The following TUSC3 variants were observed in gnomAD, a reference collection of about 807,000 sequenced individuals.
TUSC3 encodes the protein tumor suppressor candidate 3, also known as dolichyl-diphosphooligosaccharide--protein glycosyltransferase subunit TUSC3.
In TUSC3, 45 loss-of-function variants were observed where a neutral mutation model predicts 44.8. That is an observed-to-expected ratio of 1.00 (90% CI 0.79 to 1.29). The LOEUF is 1.29. Ranked by LOEUF, TUSC3 falls within the 50% of genes most tolerant of loss-of-function variation. The probability of loss-of-function intolerance (pLI) is 0.00; values close to 1 mark genes in which losing one functional copy is unlikely to be tolerated. For synonymous variants in TUSC3, 212 were observed against 152.9 expected (o/e 1.39, Z -2.85); for missense variants, 519 against 437.9 (o/e 1.19, Z -1.65).
chr8:15,476,071 T>A (rs1319879872), intron 1 of TUSC3, among the ~76,000 whole-genome samples: 1 of 152,206 alleles, frequency 6.6e-6, no homozygotes, highest in Non-Finnish European at 1.5e-5. Context: ...GAAATTTCAT[T>A]CTGAATAACG....
In TUSC3 at chr8:15,447,046, T is replaced by C. The variant is rs183199206; in HGVS notation, n.91+29741T>C. On this transcript the variant is annotated intron_variant and non_coding_transcript_variant, in intron 1 of 5. Transcript: ENST00000503191. ...AGTAACTTCAATACTGTTTCCCAAATGCAGAAGAAAAAAAAAATAGGATAA... is the reference window on the plus strand; with the variant it reads ...AGTAACTTCAATACTGTTTCCCAAACGCAGAAGAAAAAAAAAATAGGATAA... Among the ~76,000 whole-genome samples the C allele has an allele frequency of 1.4e-4, 21 of 149,692 alleles. 1 individual carries two copies. The highest frequency in any genetic ancestry group is 4.9e-4 in the African/African-American group (20 of 40,700).
At chr8:15,478,131 A>G (rs1800607169) in intron 1 of TUSC3, among the ~76,000 whole-genome samples, 1 of 151,858 alleles carries the variant, frequency 6.6e-6, no homozygotes, top group African/African-American at 2.4e-5. Context: ...TAACTTTTGT[A>G]TTTTTAGTAG....
At chr8:15,677,100 C>A (rs1808225771) in intron 6 of TUSC3, among the ~76,000 whole-genome samples, 1 of 152,066 alleles carries the variant, frequency 6.6e-6, no homozygotes, top group Non-Finnish European at 1.5e-5. Flanking sequence ...CTCACCGCAG[C>A]CTTGAACTCC....
intron 2 of TUSC3, among the ~76,000 whole-genome samples, chr8:15,627,308 C>T (rs1018317992): frequency 3.5e-4 from 54 of 152,182 alleles, no homozygotes; most frequent in Non-Finnish European, 7.1e-4. Context: ...CTACTGAGAG[C>T]TGAAGACTTG....
chr8:15,757,006 C>G (rs372455973), intron 9 of TUSC3, among the ~76,000 whole-genome samples: 1 of 152,068 alleles, frequency 6.6e-6, no homozygotes, highest in African/African-American at 2.4e-5. Flanking sequence ...CATGGTGGCA[C>G]ACGCCTGTAG....
At chr8:15,419,516 T>G (rs983249181) in intron 1 of TUSC3, among the ~76,000 whole-genome samples, 1 of 152,232 alleles carries the variant, frequency 6.6e-6, no homozygotes, top group African/African-American at 2.4e-5. Flanking sequence ...CCAAATTTGA[T>G]GTGGCAAGTT....
At chr8:15,646,288 G>A (rs1202554819) in intron 2 of TUSC3, among the ~76,000 whole-genome samples, 1 of 152,138 alleles carries the variant, frequency 6.6e-6, no homozygotes, top group East Asian at 1.9e-4. Context: ...CTATTTGAGT[G>A]TGGTATTTTT....
the TUSC3 span, among the ~76,000 whole-genome samples, chr8:15,788,615 C>A: frequency 1.3e-5 from 2 of 151,564 alleles, no homozygotes; most frequent in Admixed American, 6.6e-5. Flanking sequence ...AAATCAGATC[C>A]TCATCCAGAC....
the TUSC3 span, among the ~76,000 whole-genome samples, chr8:15,800,904 G>A: frequency 1.3e-5 from 2 of 152,096 alleles, no homozygotes; most frequent in Non-Finnish European, 2.9e-5. Context: ...CAAGCAATAT[G>A]GCTAGATGCT....
chr8:15,521,764 G>T (rs1801303258), intron 2 of TUSC3, among the ~76,000 whole-genome samples: 1 of 152,146 alleles, frequency 6.6e-6, no homozygotes, highest in African/African-American at 2.4e-5. Flanking sequence ...TCTCAGAACT[G>T]ATACCTCCAT....
chr8:15,512,577 A>G (rs1374114594), intron 2 of TUSC3, among the ~76,000 whole-genome samples: 1 of 152,172 alleles, frequency 6.6e-6, no homozygotes, highest in Non-Finnish European at 1.5e-5. Flanking sequence ...GTTTGAGACC[A>G]GCCTGGGCAA....
intron 1 of TUSC3, among the ~76,000 whole-genome samples, chr8:15,593,151 T>C (rs976243939): frequency 6.6e-6 from 1 of 152,168 alleles, no homozygotes; most frequent in African/African-American, 2.4e-5. Flanking sequence ...AGTGGTGTGA[T>C]CTTGGCTCAC....
intron 1 of TUSC3, among the ~76,000 whole-genome samples, chr8:15,420,739 C>T (rs1799728792): frequency 6.6e-6 from 1 of 152,112 alleles, no homozygotes; most frequent in Non-Finnish European, 1.5e-5. Flanking sequence ...CTTGTAACGG[C>T]ACAGTTTCAC....
intron 6 of TUSC3, among the ~76,000 whole-genome samples, chr8:15,679,266 C>CT (rs1039620673): frequency 4.0e-4 from 60 of 149,136 alleles, no homozygotes; most frequent in East Asian, 9.8e-4. Flanking sequence ...TTGGAAGCAT[C>CT]TTTTTTTTTT....
chr8:15,512,744 G>C (rs1172207693), intron 2 of TUSC3, among the ~76,000 whole-genome samples: 3 of 151,676 alleles, frequency 2.0e-5, no homozygotes, highest in Non-Finnish European at 4.4e-5. Context: ...CTGCATTACA[G>C]CCTGGGCAAC....
intron 1 of TUSC3, among the ~76,000 whole-genome samples, chr8:15,469,344 G>A (rs369059639): frequency 3.9e-5 from 6 of 152,174 alleles, no homozygotes; most frequent in African/African-American, 7.2e-5. Flanking sequence ...AAAATGGGCC[G>A]AAGATCTGAA....
intron 1 of TUSC3, among the ~76,000 whole-genome samples, chr8:15,478,489 C>A (rs1800613131): frequency 6.6e-6 from 1 of 152,082 alleles, no homozygotes; most frequent in South Asian, 2.1e-4. Flanking sequence ...CATGTGTTCT[C>A]ATTGTTGAAC....
intron 6 of TUSC3, chr8:15,689,045 C>G: frequency 3.2e-6 from 1 of 314,204 alleles, no homozygotes; most frequent in South Asian, 2.9e-5. Context: ...AGGGGGATGA[C>G]TCGTCAATGT....
intron 2 of TUSC3, among the ~76,000 whole-genome samples, chr8:15,487,713 A>C (rs1224465453): frequency 6.6e-6 from 1 of 152,184 alleles, no homozygotes; most frequent in African/African-American, 2.4e-5. Flanking sequence ...TTATATGCTA[A>C]AGTATTTATT....
Sources: allele counts gnomAD v4.1 joint callset (sites outside exome capture counted in the v4.1 genomes callset), GRCh38; gene constraint gnomAD v4.1.1; transcripts MANE v1.5; gene names NCBI Gene and HGNC (gene_info 2026-07-23, HGNC 2026-07-21).